PDE4D: variants seen among roughly 807,000 people sequenced by gnomAD.
The protein encoded by PDE4D is phosphodiesterase 4D.
A neutral mutation model predicts 87.4 loss-of-function variants in PDE4D; 24 were observed. The ratio of observed to expected loss-of-function variants is 0.27; its 90% CI spans 0.20 to 0.39. The LOEUF (loss-of-function observed/expected upper bound fraction) is 0.39, where lower values mean the gene tolerates loss of function less well. PDE4D is among the 10% of genes least tolerant of loss of function. The pLI, the probability that PDE4D is intolerant of heterozygous loss-of-function variation, is 1.00. For synonymous variants in PDE4D, 384 were observed against 383.2 expected (o/e 1.00, Z -0.02); for missense variants, 714 against 1,041.0 (o/e 0.69, Z 4.32).
chr5:59,029,624 A>G (rs1561342430), intron 6 of PDE4D, among the ~76,000 whole-genome samples: 2 of 151,270 alleles, frequency 1.3e-5, no homozygotes, highest in Non-Finnish European at 2.9e-5. Context: ...CAGTTCCTCT[A>G]TTGATTCAAT....
In PDE4D at chr5:58,971,170, A is replaced by C. The variant is rs908688632; in HGVS notation, c.*3494T>G. ...ACTGTTACCTTTCAAATGCAGCAAAACAGAAGAAAATATTGGTTAAAGTTA... is the reference window on the plus strand; with the variant it reads ...ACTGTTACCTTTCAAATGCAGCAAACCAGAAGAAAATATTGGTTAAAGTTA... On this transcript the variant is annotated 3_prime_UTR_variant, in exon 15 of 15. Coordinates refer to ENST00000340635, the MANE Select transcript of PDE4D (RefSeq NM_001104631.2). The C allele has an allele frequency of 1.3e-5, 2 of 152,234 alleles. No individual in the cohort carries two copies. Among genetic ancestry groups the C allele is most frequent in the African/African-American group, 4.8e-5 (2 of 41,468 alleles). The allele number at this position is 152,234 out of a possible 1,614,324, so 9.4% of individuals were successfully genotyped here.
chr5:59,822,095 C>T (rs993999165), intron 1 of PDE4D, among the ~76,000 whole-genome samples: 1 of 152,052 alleles, frequency 6.6e-6, no homozygotes, highest in African/African-American at 2.4e-5. Flanking sequence ...GAATGACAGG[C>T]TACTGTTTAT....
At chr5:59,241,361 T>C (rs1475820483) in intron 1 of PDE4D, among the ~76,000 whole-genome samples, 4 of 152,214 alleles carry the variant, frequency 2.6e-5, no homozygotes, top group African/African-American at 4.8e-5. Flanking sequence ...GTACCAGCCA[T>C]GGCTGAGAAC....
intron 1 of PDE4D, among the ~76,000 whole-genome samples, chr5:59,665,026 C>A (rs1164125306): frequency 2.0e-5 from 3 of 152,146 alleles, no homozygotes; most frequent in Non-Finnish European, 4.4e-5. Context: ...TATCATGACC[C>A]TCTGCCCCTC....
chr5:59,454,587 A>G (rs1799638987), intron 1 of PDE4D, among the ~76,000 whole-genome samples: 1 of 152,130 alleles, frequency 6.6e-6, no homozygotes, highest in East Asian at 1.9e-4. Context: ...AAAACAGACT[A>G]ATAGAGTAAA....
intron 1 of PDE4D, among the ~76,000 whole-genome samples, chr5:59,840,521 G>A (rs372042469): frequency 3.9e-5 from 6 of 152,164 alleles, no homozygotes; most frequent in African/African-American, 1.4e-4. Context: ...AATGAAGAGA[G>A]TATGTCTGGT....
At chr5:59,847,347 C>T (rs755746504) in intron 1 of PDE4D, among the ~76,000 whole-genome samples, 3 of 151,950 alleles carry the variant, frequency 2.0e-5, no homozygotes, top group South Asian at 2.1e-4. Context: ...TTTTAAAATG[C>T]TATAAAGTAG....
intron 1 of PDE4D, among the ~76,000 whole-genome samples, chr5:59,785,773 C>T (rs72751266): frequency 0.18 from 26,644 of 151,986 alleles, 3,068 homozygotes; most frequent in South Asian, 0.24. Flanking sequence ...TCATCCATAC[C>T]GAAGGATGGT....
intron 5 of PDE4D, among the ~76,000 whole-genome samples, chr5:59,087,185 A>C (rs1767855805): frequency 1.3e-5 from 2 of 152,104 alleles, no homozygotes; most frequent in South Asian, 4.2e-4. Context: ...GTTTTTAAAA[A>C]ATACGTTAAA....
At chr5:60,246,023 C>G (rs1384800602) in intron 1 of PDE4D, among the ~76,000 whole-genome samples, 1 of 5,810 alleles carries the variant, frequency 1.7e-4, no homozygotes, top group Non-Finnish European at 2.9e-4. Flanking sequence ...ATGCCTGTAC[C>G]CCATGCCTGT....
intron 1 of PDE4D, among the ~76,000 whole-genome samples, chr5:59,554,593 C>T (rs994387656): frequency 1.3e-5 from 2 of 152,158 alleles, no homozygotes. Flanking sequence ...AAAGAGAAGG[C>T]TATGATTTCT....
chr5:60,340,820 T>C (rs1758250540), intron 1 of PDE4D, among the ~76,000 whole-genome samples: 1 of 152,186 alleles, frequency 6.6e-6, no homozygotes, highest in Non-Finnish European at 1.5e-5. Context: ...TTCAAGGACA[T>C]TGTCCTCAGA....
At chr5:59,794,464 C>A (rs529441212) in intron 1 of PDE4D, among the ~76,000 whole-genome samples, 19 of 152,114 alleles carry the variant, frequency 1.2e-4, no homozygotes, top group African/African-American at 4.6e-4. Context: ...CGGCAGCCTG[C>A]GAGGGCTGCC....
rs1583907325 is a variant in PDE4D, at chr5:60,484,100, T to C, written c.-90+3842A>G. ...TTGACCATTCATTGCATCCCTGAGATGAAAAGACTACTAGGAATAAGCATC... is the reference window on the plus strand; with the variant it reads ...TTGACCATTCATTGCATCCCTGAGACGAAAAGACTACTAGGAATAAGCATC... On this transcript the variant is annotated intron_variant, in intron 1 of 16. Coordinates refer to the PDE4D transcript ENST00000502484. 2.0e-5 allele frequency among the ~76,000 whole-genome samples: 3 copies of C among 151,150 alleles called. No homozygotes were observed. In the South Asian group the frequency reaches 6.3e-4, roughly 31 times the overall value.
intron 5 of PDE4D, among the ~76,000 whole-genome samples, chr5:59,089,965 C>T (rs564805763): frequency 2.0e-5 from 3 of 152,184 alleles, no homozygotes; most frequent in Non-Finnish European, 4.4e-5. Context: ...CGTCAAGCTG[C>T]ACATTTTGTT....
At chr5:60,050,181 C>G (rs570541530) in intron 2 of PDE4D, among the ~76,000 whole-genome samples, 50 of 152,314 alleles carry the variant, frequency 3.3e-4, no homozygotes, top group African/African-American at 1.2e-3. Context: ...TCCCTGACCC[C>G]TTGTGCTTCC....
intron 1 of PDE4D, among the ~76,000 whole-genome samples, chr5:60,197,018 CAGATAGATAGATAGATAGAT>C (rs201360208): frequency 3.2e-5 from 4 of 123,586 alleles, no homozygotes; most frequent in Admixed American, 2.5e-4. Flanking sequence ...ACAAGATAGG[CAGATAGATAGATAGATAGAT>C]AGATAGATAG....
At chr5:60,354,490 A>T (rs1583504907) in intron 1 of PDE4D, among the ~76,000 whole-genome samples, 1 of 152,198 alleles carries the variant, frequency 6.6e-6, no homozygotes, top group East Asian at 1.9e-4. Context: ...TACCCTTGTT[A>T]CCAAGCAACT....
At chr5:59,509,098 T>C (rs886955003) in intron 1 of PDE4D, among the ~76,000 whole-genome samples, 1 of 151,970 alleles carries the variant, frequency 6.6e-6, no homozygotes, top group Non-Finnish European at 1.5e-5. Flanking sequence ...AGTAAACTTT[T>C]GAAAAACTCA....
Sources: allele counts gnomAD v4.1 joint callset (sites outside exome capture counted in the v4.1 genomes callset), GRCh38; gene constraint gnomAD v4.1.1; transcripts MANE v1.5; gene names NCBI Gene and HGNC (gene_info 2026-07-23, HGNC 2026-07-21).